The following DNAH11 variants were observed in gnomAD, a reference collection of about 807,000 sequenced individuals.
DNAH11 encodes the protein axonemal beta dynein heavy chain 11.
In DNAH11, 442 loss-of-function variants were observed where a neutral mutation model predicts 526.0. The ratio of observed to expected loss-of-function variants is 0.84; its 90% CI spans 0.78 to 0.91. The LOEUF (loss-of-function observed/expected upper bound fraction) is 0.91. DNAH11 is among the 40% of genes least tolerant of loss of function. The probability of loss-of-function intolerance (pLI) is 0.00; values close to 1 mark genes in which losing one functional copy is unlikely to be tolerated. For missense variants in DNAH11, 6,989 were observed against 5,448.7 expected (o/e 1.28, Z -8.90); for synonymous variants, 2,461 against 1,935.9 (o/e 1.27, Z -7.12).
chr7:21,544,676 T>C (rs904712720), intron 1 of DNAH11, among the ~76,000 whole-genome samples: 2 of 120,002 alleles, frequency 1.7e-5, no homozygotes, highest in African/African-American at 6.0e-5. Context: ...CCCTTTAGGA[T>C]TGAAACATTT....
chr7:21,797,218 CTT>C (rs796088129), intron 61 of DNAH11, among the ~76,000 whole-genome samples: 39 of 147,078 alleles, frequency 2.7e-4, no homozygotes, highest in African/African-American at 8.9e-4. Flanking sequence ...TTGCTTTGAA[CTT>C]TTTTTTTTTT....
chr7:21,582,093 A>G, intron 9 of DNAH11, 72 bp downstream of exon 9: 1 of 947,520 alleles, frequency 1.1e-6, no homozygotes, highest in Non-Finnish European at 1.7e-6. Flanking sequence ...AAAGGGGTGA[A>G]TTCTCATTCA....
chr7:21,605,492 A>G (rs1199679295), intron 18 of DNAH11, among the ~76,000 whole-genome samples: 1 of 152,140 alleles, frequency 6.6e-6, no homozygotes, highest in African/African-American at 2.4e-5. Context: ...TACCTGAACT[A>G]TTTATTGTGT....
intron 28 of DNAH11, among the ~76,000 whole-genome samples, chr7:21,647,978 T>C (rs540807451): frequency 4.6e-5 from 7 of 152,020 alleles, no homozygotes; most frequent in Admixed American, 1.3e-4. Flanking sequence ...TTATGAACAC[T>C]GAAATGTCAA....
chr7:21,763,790 A>G (rs1252026399), intron 54 of DNAH11, among the ~76,000 whole-genome samples: 2 of 40,432 alleles, frequency 4.9e-5, no homozygotes, highest in Non-Finnish European at 7.2e-5. Flanking sequence ...AATGTGCTAT[A>G]TATACATATA....
At chr7:21,676,252 G>GGTA (rs949746782) in intron 30 of DNAH11, among the ~76,000 whole-genome samples, 3 of 152,206 alleles carry the variant, frequency 2.0e-5, no homozygotes, top group Non-Finnish European at 4.4e-5. Context: ...AAGGGGCGTA[G>GGTA]GTAGACTTGA....
At chr7:21,743,902 C>T (rs1786031201) in intron 49 of DNAH11, among the ~76,000 whole-genome samples, 3 of 152,148 alleles carry the variant, frequency 2.0e-5, no homozygotes, top group Admixed American at 2.0e-4. Context: ...TGCCTCTCTC[C>T]ATGAGGAGTG....
intron 36 of DNAH11, among the ~76,000 whole-genome samples, chr7:21,702,236 G>A (rs1308978783): frequency 6.6e-6 from 1 of 152,162 alleles, no homozygotes; most frequent in African/African-American, 2.4e-5. Context: ...ATTATATTAT[G>A]TGCTGGCATC....
At chr7:21,559,827 T>C in intron 4 of DNAH11, 35 bp downstream of exon 4, 3 of 1,522,100 alleles carry the variant, frequency 2.0e-6, no homozygotes, top group Non-Finnish European at 2.7e-6. Context: ...TAAATTAAAT[T>C]AGCAAAGTGT....
intron 47 of DNAH11, 149 bp from the exon 48 acceptor site, chr7:21,739,422 T>G: frequency 1.7e-6 from 1 of 581,776 alleles, no homozygotes; most frequent in Non-Finnish European, 2.9e-6. Flanking sequence ...AGTTTTGATG[T>G]CTCTCAAATA....
At chr7:21,789,815 TCTTTCTTTCTTTC>T (rs1788378982) in intron 61 of DNAH11, among the ~76,000 whole-genome samples, 2 of 78,520 alleles carry the variant, frequency 2.5e-5, no homozygotes, top group African/African-American at 8.7e-5. Flanking sequence ...CTTTTTTCTT[TCTTTCTTTCTTTC>T]TTTCTTTCTT....
At chr7:21,847,511 T>C (rs1308717957) in intron 66 of DNAH11, among the ~76,000 whole-genome samples, 5 of 152,234 alleles carry the variant, frequency 3.3e-5, no homozygotes, top group African/African-American at 9.6e-5. Flanking sequence ...CTGTTACTGA[T>C]TTCTTACGTA....
intron 73 of DNAH11, among the ~76,000 whole-genome samples, chr7:21,872,408 G>C (rs1783539175): frequency 2.0e-5 from 3 of 152,158 alleles, no homozygotes; most frequent in East Asian, 3.9e-4. Context: ...TTCCATGTTT[G>C]CCCTCATTCT....
At chr7:21,571,611 G>A (rs1464034248) in intron 7 of DNAH11, among the ~76,000 whole-genome samples, 195 bp from the exon 8 acceptor site, 8 of 152,058 alleles carry the variant, frequency 5.3e-5, no homozygotes, top group Admixed American at 5.2e-4. Flanking sequence ...ACATGAAAAT[G>A]GGAGAGTAAT....
rs566769430 is a variant in DNAH11 at position 21,793,763 on chromosome 7, G to A, written c.10026+4421G>A. 6.4e-4 allele frequency among the ~76,000 whole-genome samples: 97 copies of A among 152,310 alleles called. 3 individuals are homozygous for A. In the South Asian group the frequency reaches 0.018, roughly 29 times the overall value. On this transcript the variant is annotated intron_variant, in intron 61 of 81. Transcript: ENST00000409508. The stretch of plus-strand genomic sequence containing the variant: ...CTGGATGATCTGTCTGTTAGTGAGC[G>A]TAGGGTGTTGAAGTCCCCTGCTATT...
intron 8 of DNAH11, among the ~76,000 whole-genome samples, chr7:21,579,366 A>G (rs1038020535): frequency 1.3e-4 from 20 of 152,232 alleles, no homozygotes; most frequent in African/African-American, 4.1e-4. Flanking sequence ...TAAACCTGGC[A>G]GTTACACTCA....
chr7:21,544,858 G>A, intron 1 of DNAH11, 148 bp from the exon 2 acceptor site: 2 of 584,516 alleles, frequency 3.4e-6, no homozygotes, highest in East Asian at 3.1e-5. Flanking sequence ...GCATACTAGG[G>A]AAGAGCCGTA....
chr7:21,852,405 T>TTAA, intron 66 of DNAH11, 62 bp from the exon 67 acceptor site: 3 of 1,242,634 alleles, frequency 2.4e-6, no homozygotes, highest in Non-Finnish European at 3.2e-6. Flanking sequence ...AGACTTCCTC[T>TTAA]AAAAAAAAAA....
intron 66 of DNAH11, among the ~76,000 whole-genome samples, chr7:21,846,419 GTTTT>G (rs575030094): frequency 5.3e-5 from 8 of 151,892 alleles, no homozygotes; most frequent in Admixed American, 2.0e-4. Flanking sequence ...TTTGCCGAGA[GTTTT>G]TTTATCATTA....
Sources: allele counts gnomAD v4.1 joint callset (sites outside exome capture counted in the v4.1 genomes callset), GRCh38; gene constraint gnomAD v4.1.1; transcripts MANE v1.5; gene names NCBI Gene and HGNC (gene_info 2026-07-23, HGNC 2026-07-21).